The following NME7 variants were observed in gnomAD, a reference collection of about 807,000 sequenced individuals.
NME7 encodes nucleoside diphosphate kinase 7.
A neutral mutation model predicts 49.1 loss-of-function variants in NME7; 41 were observed. The ratio of observed to expected loss-of-function variants is 0.83; its 90% CI spans 0.65 to 1.08. The LOEUF (loss-of-function observed/expected upper bound fraction) is 1.08, where lower values mean the gene tolerates loss of function less well. Among genes scored for constraint, NME7 ranks in the 50% least tolerant of loss-of-function variants. The pLI is 0.00. For synonymous variants in NME7, 139 were observed against 150.6 expected (o/e 0.92, Z 0.56); for missense variants, 423 against 463.4 (o/e 0.91, Z 0.80).
Position 169,190,919 on chromosome 1 carries a change from T to A in NME7, c.991-21365A>T, listed in dbSNP as rs1277241468. ...GCTCCGCCTCCCGGGTTCACGCCAT[T>A]CTCCTGCCTCAGCCTCCCGAGTAGC... On this transcript the variant is annotated intron_variant, in intron 10 of 11. Coordinates refer to ENST00000367811, the MANE Select transcript of NME7 (RefSeq NM_013330.5). Among the ~76,000 whole-genome samples the A allele has an allele frequency of 7.7e-5, 8 of 103,660 alleles. 2 individuals are homozygous for A. The highest frequency in any genetic ancestry group is 1.6e-4 in the Non-Finnish European group (8 of 48,626). 68.0% of individuals were successfully genotyped at this position (103,660 alleles called of 152,430 possible). A position where few individuals can be genotyped will look rare whatever the true frequency, so the allele number is the denominator to read the frequency against.
chr1:169,219,565 C>CTTA (rs5778608), intron 10 of NME7, among the ~76,000 whole-genome samples: 57,126 of 151,786 alleles, frequency 0.38, 11,432 homozygotes, highest in East Asian at 0.79. Flanking sequence ...TTTATCATAT[C>CTTA]TTATAATTAT....
intron 10 of NME7, among the ~76,000 whole-genome samples, chr1:169,201,343 G>A (rs1311650031): frequency 6.6e-6 from 1 of 152,122 alleles, no homozygotes; most frequent in Non-Finnish European, 1.5e-5. Context: ...GGAGACATTG[G>A]GAGCCACAGA....
rs201308163 is a variant in NME7, at chr1:169,258,354, AT to A, written c.755-20668del. 3.4e-4 allele frequency among the ~76,000 whole-genome samples: 34 copies of A among 100,292 alleles called. 5 individuals are homozygous for A. The highest frequency in any genetic ancestry group is 5.9e-4 in the South Asian group (2 of 3,406). The allele number at this position is 100,292 out of a possible 152,430, so 65.8% of individuals were successfully genotyped here. On this transcript the variant is annotated intron_variant, in intron 7 of 11. Coordinates refer to ENST00000367811, the MANE Select transcript of NME7 (RefSeq NM_013330.5). ...AGAGTAAGACCTTGTCTCAAAAAAA[AT>A]AAAATAAAATAAAATAAAACATATA...
chr1:169,365,792 A>G (rs1203102046), intron 1 of NME7, among the ~76,000 whole-genome samples: 2 of 152,334 alleles, frequency 1.3e-5, no homozygotes, highest in East Asian at 3.8e-4. Flanking sequence ...TATTAAAATA[A>G]TCACGAAATG....
intron 10 of NME7, among the ~76,000 whole-genome samples, chr1:169,213,716 T>G (rs1198065995): frequency 6.6e-6 from 1 of 152,138 alleles, no homozygotes; most frequent in Non-Finnish European, 1.5e-5. Context: ...CCAAAGAGAT[T>G]TGGGTCAGTG....
chr1:169,285,265 AT>A (rs1650227745), intron 7 of NME7: 1 of 152,110 alleles, frequency 6.6e-6, no homozygotes, highest in Non-Finnish European at 1.5e-5. Flanking sequence ...TTTGAGCTTC[AT>A]GTCTGTGCTC....
intron 3 of NME7, among the ~76,000 whole-genome samples, chr1:169,311,253 C>T (rs1159982569): frequency 6.6e-6 from 1 of 151,824 alleles, no homozygotes; most frequent in South Asian, 2.1e-4. Flanking sequence ...CCCGTCTCTA[C>T]TAAAAATACA....
chr1:169,162,208 T>C (rs1454277142), intron 11 of NME7, among the ~76,000 whole-genome samples: 1 of 152,198 alleles, frequency 6.6e-6, no homozygotes, highest in Non-Finnish European at 1.5e-5. Flanking sequence ...TTCCATCTCT[T>C]ATGTGGGCGG....
intron 10 of NME7, among the ~76,000 whole-genome samples, chr1:169,173,181 T>C (rs949774759): frequency 3.3e-5 from 5 of 152,198 alleles, no homozygotes; most frequent in Non-Finnish European, 5.9e-5. Context: ...TGTTCTTATT[T>C]GTAAGACAAG....
intron 10 of NME7, among the ~76,000 whole-genome samples, chr1:169,210,788 T>C (rs1263196512): frequency 6.6e-6 from 1 of 152,146 alleles, no homozygotes. Flanking sequence ...ATAATACCTC[T>C]AGAGAATCAC....
chr1:169,215,944 G>C lies in NME7; in HGVS notation c.990+14774C>G, dbSNP rs143261869. Among the ~76,000 whole-genome samples the C allele has an allele frequency of 1.4e-3, 214 of 152,284 alleles. 1 individual carries two copies. Among genetic ancestry groups the C allele is most frequent in the African/African-American group, 4.9e-3 (204 of 41,562 alleles). On this transcript the variant is annotated intron_variant, in intron 10 of 11. Transcript: ENST00000367811. ...GTAGAATAGTAGTTGCCAGGGCTTGGCAGATGGAAGAAATGGAGAGATGAT... is the reference window on the plus strand; with the variant it reads ...GTAGAATAGTAGTTGCCAGGGCTTGCCAGATGGAAGAAATGGAGAGATGAT...
chr1:169,152,573 T>C (rs1320967), intron 11 of NME7, among the ~76,000 whole-genome samples: 57,454 of 152,002 alleles, frequency 0.38, 11,341 homozygotes, highest in East Asian at 0.74. Context: ...CACTGGAGAA[T>C]TGAGGAATGA....
intron 1 of NME7, among the ~76,000 whole-genome samples, chr1:169,352,987 A>G (rs1653235112): frequency 6.6e-6 from 1 of 152,148 alleles, no homozygotes; most frequent in African/African-American, 2.4e-5. Flanking sequence ...AGCAATCTAC[A>G]GATTCAATGC....
At chr1:169,363,750 A>G (rs1653747313) in intron 1 of NME7, among the ~76,000 whole-genome samples, 1 of 152,194 alleles carries the variant, frequency 6.6e-6, no homozygotes, top group Non-Finnish European at 1.5e-5. Context: ...CCTCCAGATC[A>G]CTGCACTTTG....
At chr1:169,165,298 A>T (rs1659377807) in intron 11 of NME7, among the ~76,000 whole-genome samples, 1 of 150,308 alleles carries the variant, frequency 6.7e-6, no homozygotes. Flanking sequence ...GTTTGCTATA[A>T]AAATAAATAA....
At chr1:169,298,332 G>A (rs1364750455) in intron 6 of NME7, among the ~76,000 whole-genome samples, 1 of 152,146 alleles carries the variant, frequency 6.6e-6, no homozygotes, top group Non-Finnish European at 1.5e-5. Context: ...GATGAGAAGT[G>A]TTTTAATTGG....
At chr1:169,247,183 G>A (rs1476591514) in intron 7 of NME7, 2 of 416,884 alleles carry the variant, frequency 4.8e-6, no homozygotes, top group Admixed American at 5.9e-5. Context: ...ACGGTACTGA[G>A]TAGATAGGCT....
chr1:169,290,924 G>A (rs949300369), intron 6 of NME7, among the ~76,000 whole-genome samples: 1 of 152,040 alleles, frequency 6.6e-6, no homozygotes, highest in Non-Finnish European at 1.5e-5. Flanking sequence ...GCTCATCACT[G>A]GTCATTAGAG....
rs552402070 is a variant in NME7, at chr1:169,275,781, C to A, written c.754+11522G>T. Among the ~76,000 whole-genome samples the A allele has an allele frequency of 7.5e-5, 10 of 133,540 alleles. 2 individuals are homozygous for A. In the South Asian group the frequency reaches 2.3e-3, roughly 31 times the overall value. 87.6% of individuals were successfully genotyped at this position (133,540 alleles called of 152,430 possible). ...CCTGTGCCAGTTTTCAAATGGAATGCTTCCAGTTTTTGCCCATTCAGTGTG... is the reference window on the plus strand; with the variant it reads ...CCTGTGCCAGTTTTCAAATGGAATGATTCCAGTTTTTGCCCATTCAGTGTG... On this transcript the variant is annotated intron_variant, in intron 7 of 11. Coordinates refer to ENST00000367811, the MANE Select transcript of NME7 (RefSeq NM_013330.5).
Sources: allele counts gnomAD v4.1 joint callset (sites outside exome capture counted in the v4.1 genomes callset), GRCh38; gene constraint gnomAD v4.1.1; transcripts MANE v1.5; gene names NCBI Gene and HGNC (gene_info 2026-07-23, HGNC 2026-07-21).